MED14: variants seen among roughly 807,000 people sequenced by gnomAD.
The protein encoded by MED14 is mediator complex subunit 14.
A neutral mutation model predicts 109.0 loss-of-function variants in MED14; 8 were observed. The ratio of observed to expected loss-of-function variants is 0.07; its 90% CI spans 0.04 to 0.13. The LOEUF (loss-of-function observed/expected upper bound fraction) is 0.13. Among genes scored for constraint, MED14 ranks in the 10% least tolerant of loss-of-function variants. The probability of loss-of-function intolerance (pLI) is 1.00; values close to 1 mark genes in which losing one functional copy is unlikely to be tolerated. For synonymous variants in MED14, 399 were observed against 408.7 expected (o/e 0.98, Z 0.29); for missense variants, 711 against 1,142.4 (o/e 0.62, Z 5.44).
rs183375079 is a variant in MED14 at position 40,729,299 on chromosome X, T to G, written c.242+20A>C. 9.1e-7 allele frequency: 1 copy of G among 1,104,366 alleles called. No homozygotes were observed. Among genetic ancestry groups the G allele is most frequent in the South Asian group, 2.1e-5 (1 of 48,180 alleles). The allele number at this position is 1,104,366 out of a possible 1,213,427, so 91.0% of individuals were successfully genotyped here. A position where few individuals can be genotyped will look rare whatever the true frequency, so the allele number is the denominator to read the frequency against. On this transcript the variant is annotated intron_variant, in intron 2 of 30. Coordinates refer to ENST00000324817, the MANE Select transcript of MED14 (RefSeq NM_004229.4). ...TTGATCAATAAAGAGACTTTAAGGG[T>G]TTTTTTTTTCCATACTCACCTTTCC...
intron 23 of MED14, among the ~76,000 whole-genome samples, chrX:40,668,937 G>A (rs778999760): frequency 8.9e-6 from 1 of 111,824 alleles, no homozygotes; most frequent in African/African-American, 3.3e-5. Flanking sequence ...TAAGAGGGGG[G>A]ACTGTACTAT....
At position 40,692,811 on chromosome X, in the gene MED14, C is replaced by T; in HGVS notation, c.1742G>A (p.Ser581Asn). 8.3e-7 allele frequency: 1 copy of T among 1,209,482 alleles called. No homozygotes were observed. The highest frequency in any genetic ancestry group is 1.1e-6 in the Non-Finnish European group (1 of 894,650). The change falls in exon 14 of 31, where the codon AGC (serine) becomes AAC (asparagine). Residue 581 changes from serine to asparagine, a missense_variant. Transcript: ENST00000324817. Reference protein sequence around the residue: ...MSVNAADREDSPAMALLLQQF... With the variant: ...MSVNAADREDNPAMALLLQQF... Reference sequence around the variant, plus strand: ...CTGCAGCAGCAATGCCATTGCAGGGCTGTCTTCACGATCTGCAGCATTCAC... The same window carrying T: ...CTGCAGCAGCAATGCCATTGCAGGGTTGTCTTCACGATCTGCAGCATTCAC...
At chrX:40,710,199 A>T in intron 8 of MED14, 70 bp from the exon 9 acceptor site, 1 of 756,188 alleles carries the variant, frequency 1.3e-6, no homozygotes, top group South Asian at 3.4e-5. Flanking sequence ...AAATAGAGAC[A>T]ATCCATTGTG....
intron 23 of MED14, among the ~76,000 whole-genome samples, chrX:40,667,765 T>C (rs1340083377): frequency 1.8e-5 from 2 of 112,121 alleles, no homozygotes; most frequent in African/African-American, 6.5e-5. Flanking sequence ...ACTGCAATAA[T>C]TCAGGTGAGA....
At chrX:40,732,167 T>C (rs1932097575) in intron 1 of MED14, among the ~76,000 whole-genome samples, 1 of 112,644 alleles carries the variant, frequency 8.9e-6, no homozygotes, top group Non-Finnish European at 1.9e-5. Flanking sequence ...CACAGATTTC[T>C]AGGGAAAAAG....
chrX:40,673,397 T>C (rs1263865169), intron 22 of MED14, among the ~76,000 whole-genome samples: 1 of 112,139 alleles, frequency 8.9e-6, no homozygotes, highest in Non-Finnish European at 1.9e-5. Flanking sequence ...TTCTAACTTT[T>C]CTAGAATATC....
Position 40,692,771 on chromosome X carries a change from G to A in MED14, c.1782C>T (p.Asn594=), listed in dbSNP as rs774843995. Residue 594 remains asparagine, a synonymous_variant, in exon 14 of 31, where the codon AAC becomes AAT. Coordinates refer to ENST00000324817, the MANE Select transcript of MED14 (RefSeq NM_004229.4). The stretch of plus-strand genomic sequence containing the variant: ...TTGTACGAAAAACCAAGTCCTGAAT[G>A]TTTTCCTTGAACTGCTGCAGCAGCA... ...MALLLQQFKE[N]IQDLVFRTKT... 1.7e-6 allele frequency: 2 copies of A among 1,209,327 alleles called. No homozygotes were observed. The highest frequency in any genetic ancestry group is 3.6e-5 in the South Asian group (2 of 56,151).
In MED14 at chrX:40,674,545, C is replaced by T; in HGVS notation, c.3021+676G>A. On this transcript the variant is annotated intron_variant, in intron 22 of 30. Coordinates refer to ENST00000324817, the MANE Select transcript of MED14 (RefSeq NM_004229.4). Reference sequence around the variant, plus strand: ...AGGATGTGCCAAAGAGCCTTGCCTACAGGCTGTGTGCTCATATACAACTAA... The same window carrying T: ...AGGATGTGCCAAAGAGCCTTGCCTATAGGCTGTGTGCTCATATACAACTAA... 2.7e-5 allele frequency among the ~76,000 whole-genome samples: 3 copies of T among 112,289 alleles called. No individual in the cohort carries two copies. In the Admixed American group the frequency reaches 2.8e-4, roughly 11 times the overall value.
At chrX:40,706,130 G>A (rs1236361725) in intron 10 of MED14, among the ~76,000 whole-genome samples, 2 of 111,446 alleles carry the variant, frequency 1.8e-5, no homozygotes, top group Non-Finnish European at 1.9e-5. Context: ...GGGTGACTGC[G>A]CTAAGGGATT....
At chrX:40,684,362 C>A in intron 16 of MED14, among the ~76,000 whole-genome samples, 1 of 112,360 alleles carries the variant, frequency 8.9e-6, no homozygotes, top group Non-Finnish European at 1.9e-5. Context: ...GAACCACTGA[C>A]CTGGAATAAA....
chrX:40,692,062 C>T (rs1037212411), intron 15 of MED14, 121 bp downstream of exon 15: 28 of 619,728 alleles, frequency 4.5e-5, no homozygotes, highest in African/African-American at 2.3e-4. Context: ...CCACTCCTCC[C>T]AAAATGAACA....
intron 10 of MED14, among the ~76,000 whole-genome samples, chrX:40,707,300 G>T (rs1482907252): frequency 1.8e-5 from 2 of 112,294 alleles, no homozygotes; most frequent in African/African-American, 6.5e-5. Context: ...GTAAAAGAAT[G>T]CAAACAATAA....
In MED14 at chrX:40,650,812, A is replaced by G. The variant is rs1268094905; in HGVS notation, c.*994T>C. The G allele has an allele frequency of 4.9e-5, 37 of 752,634 alleles. No individual in the cohort carries two copies. The highest frequency in any genetic ancestry group is 5.8e-5 in the Non-Finnish European group (37 of 638,767). 62.0% of individuals were successfully genotyped at this position (752,634 alleles called of 1,213,427 possible). On this transcript the variant is annotated 3_prime_UTR_variant, in exon 31 of 31. Transcript: ENST00000324817. ...AATTTTGGTGGGGAAGGAAAGGAGG[A>G]TAAGTTAAGCAAGATAAAGAAAGCT...
intron 9 of MED14, 133 bp downstream of exon 9, chrX:40,709,846 T>C (rs1184168739): frequency 1.8e-5 from 7 of 395,642 alleles, no homozygotes; most frequent in Non-Finnish European, 3.0e-5. Context: ...AAGTGTAACA[T>C]TTACTTAAAA....
intron 3 of MED14, among the ~76,000 whole-genome samples, chrX:40,716,856 C>T (rs1227837681): frequency 9.0e-6 from 1 of 111,485 alleles, no homozygotes; most frequent in African/African-American, 3.3e-5. Flanking sequence ...CTGCCGTTTG[C>T]AACAGCACGT....
At chrX:40,730,444 C>G (rs1036441829) in intron 1 of MED14, among the ~76,000 whole-genome samples, 2 of 111,542 alleles carry the variant, frequency 1.8e-5, no homozygotes, top group Admixed American at 9.5e-5. Context: ...CCTTGAGAAG[C>G]CACAGCCCTT....
At position 40,712,090 on chromosome X, in the gene MED14, T is replaced by C. The variant is rs1040692320; in HGVS notation, c.889+96A>G. On this transcript the variant is annotated intron_variant, in intron 7 of 30. Transcript: ENST00000324817. ...GTGGGGGAGATGGGGGCAAGGAATG[T>C]AGGCTGCTACAGTTCAAGACTAAGG... 6.0e-5 allele frequency: 35 copies of C among 583,288 alleles called. No homozygotes were observed. The African/African-American group carries it at 8.0e-4, about 13-fold the overall frequency. 48.1% of individuals were successfully genotyped at this position (583,288 alleles called of 1,213,427 possible).
At chrX:40,714,515 TG>T in intron 4 of MED14, 21 bp downstream of exon 4, 2 of 1,204,627 alleles carry the variant, frequency 1.7e-6, no homozygotes, top group Admixed American at 2.2e-5. Context: ...TTTAGGAACA[TG>T]GGGGCAAGCA....
chrX:40,734,174 G>A (rs1336668704), intron 1 of MED14, among the ~76,000 whole-genome samples: 1 of 111,786 alleles, frequency 8.9e-6, no homozygotes, highest in Non-Finnish European at 1.9e-5. Context: ...GTGCAGAGAG[G>A]TATATCATTA....
Sources: allele counts gnomAD v4.1 joint callset (sites outside exome capture counted in the v4.1 genomes callset), GRCh38; gene constraint gnomAD v4.1.1; transcripts MANE v1.5; gene names NCBI Gene and HGNC (gene_info 2026-07-23, HGNC 2026-07-21).